C1QTNF3: variants seen among roughly 807,000 people sequenced by gnomAD.
C1QTNF3 encodes C1q and TNF related 3.
A neutral mutation model predicts 32.6 loss-of-function variants in C1QTNF3; 26 were observed. The ratio of observed to expected loss-of-function variants is 0.80; its 90% CI spans 0.58 to 1.11. The LOEUF (loss-of-function observed/expected upper bound fraction) is 1.11, where lower values mean the gene tolerates loss of function less well. Ranked by LOEUF, C1QTNF3 falls within the 50% of genes least tolerant of loss-of-function variation. The pLI, the probability that C1QTNF3 is intolerant of heterozygous loss-of-function variation, is 0.00. For missense variants in C1QTNF3, 362 were observed against 398.2 expected, an observed-to-expected ratio of 0.91 and a Z score of 0.77; for synonymous variants, 155 against 146.0, an observed-to-expected ratio of 1.06 and a Z score of -0.44.
chr5:34,162,939 A>T, the C1QTNF3 span, among the ~76,000 whole-genome samples: 5 of 152,266 alleles, frequency 3.3e-5, no homozygotes, highest in Admixed American at 6.6e-5. Context: ...CAGAGAAGAG[A>T]GAACAAGATA....
the C1QTNF3 span, among the ~76,000 whole-genome samples, chr5:34,157,432 A>C: frequency 6.6e-6 from 1 of 152,216 alleles, no homozygotes. Context: ...ACATTGTAGT[A>C]AGCTGAATGA....
At chr5:34,055,630 G>A in the C1QTNF3 span, among the ~76,000 whole-genome samples, 1 of 152,328 alleles carries the variant, frequency 6.6e-6, no homozygotes, top group Middle Eastern at 3.4e-3. Flanking sequence ...ACATTCCCTG[G>A]CTGTAGAAGG....
At chr5:34,063,307 T>TCCCCTCTCTCTCCTCTCTCTCTCG in the C1QTNF3 span, among the ~76,000 whole-genome samples, 1 of 151,222 alleles carries the variant, frequency 6.6e-6, no homozygotes, top group African/African-American at 2.4e-5. Flanking sequence ...CCTCTCTCTC[T>TCCCCTCTCTCTCCTCTCTCTCTCG]CACTTCTCTC....
At chr5:34,072,103 AT>A in the C1QTNF3 span, among the ~76,000 whole-genome samples, 3 of 152,072 alleles carry the variant, frequency 2.0e-5, no homozygotes, top group Admixed American at 1.3e-4. Flanking sequence ...CTCAGTTTCC[AT>A]TTTTAACAAG....
At chr5:34,140,366 C>CT in the C1QTNF3 span, among the ~76,000 whole-genome samples, 38 of 152,156 alleles carry the variant, frequency 2.5e-4, no homozygotes, top group Non-Finnish European at 5.1e-4. Context: ...CATGAGGACT[C>CT]TGAGTTCTTA....
At chr5:34,134,965 A>G in the C1QTNF3 span, among the ~76,000 whole-genome samples, 2 of 152,178 alleles carry the variant, frequency 1.3e-5, no homozygotes, top group African/African-American at 4.8e-5. Flanking sequence ...CATGTTAAAT[A>G]GGAGTGGTGA....
the C1QTNF3 span, among the ~76,000 whole-genome samples, chr5:34,193,884 A>T: frequency 6.6e-6 from 1 of 152,418 alleles, no homozygotes; most frequent in South Asian, 2.1e-4. Context: ...CAAGCAAAAA[A>T]ACAGCAGAGA....
chr5:34,056,454 G>GTA, the C1QTNF3 span, among the ~76,000 whole-genome samples: 83 of 48,906 alleles, frequency 1.7e-3, 1 homozygote, highest in Middle Eastern at 0.011. Flanking sequence ...GTGTGTGTGT[G>GTA]TATATATATA....
intron 5 of C1QTNF3, 63 bp downstream of exon 5, chr5:34,023,846 T>G: frequency 7.4e-7 from 1 of 1,346,880 alleles, no homozygotes; most frequent in South Asian, 1.2e-5. Context: ...TCCCTGTCAT[T>G]AGGCATTCCT....
chr5:34,081,575 G>A, the C1QTNF3 span, among the ~76,000 whole-genome samples: 959 of 150,784 alleles, frequency 6.4e-3, 39 homozygotes, highest in African/African-American at 0.021. Flanking sequence ...GTAGGTGATC[G>A]CCCCAAAATA....
At chr5:34,120,746 T>C in the C1QTNF3 span, among the ~76,000 whole-genome samples, 30 of 152,328 alleles carry the variant, frequency 2.0e-4, no homozygotes, top group Admixed American at 1.7e-3. Flanking sequence ...TCCACCATCA[T>C]TGTGAGGCCT....
At chr5:34,056,062 T>C in the C1QTNF3 span, among the ~76,000 whole-genome samples, 2 of 152,310 alleles carry the variant, frequency 1.3e-5, no homozygotes, top group East Asian at 3.9e-4. Context: ...AATTTAGAAA[T>C]GGCATCCATC....
At chr5:34,146,299 G>A in the C1QTNF3 span, among the ~76,000 whole-genome samples, 10 of 152,262 alleles carry the variant, frequency 6.6e-5, no homozygotes, top group Middle Eastern at 3.4e-3. Flanking sequence ...TAAAGATTCG[G>A]CACTATTCCT....
the C1QTNF3 span, among the ~76,000 whole-genome samples, chr5:34,053,019 C>G: frequency 7.9e-5 from 12 of 152,208 alleles, no homozygotes; most frequent in African/African-American, 2.9e-4. Flanking sequence ...TTCTTAGCTT[C>G]TTCGATTTTT....
chr5:34,089,300 C>G, the C1QTNF3 span, among the ~76,000 whole-genome samples: 1 of 151,942 alleles, frequency 6.6e-6, no homozygotes, highest in Non-Finnish European at 1.5e-5. Flanking sequence ...TTGTTATGAT[C>G]AAAATGTTTG....
At chr5:34,196,554 C>T in the C1QTNF3 span, among the ~76,000 whole-genome samples, 7 of 152,346 alleles carry the variant, frequency 4.6e-5, no homozygotes, top group East Asian at 3.9e-4. Context: ...CTTTATATGA[C>T]GAGGAAATGT....
the C1QTNF3 span, among the ~76,000 whole-genome samples, chr5:34,153,853 T>TAAAAAAAA: frequency 9.1e-5 from 3 of 32,876 alleles, no homozygotes; most frequent in Non-Finnish European, 1.4e-4. Flanking sequence ...ACTTAGAGTA[T>TAAAAAAAA]AAAAAAAAAA....
the C1QTNF3 span, among the ~76,000 whole-genome samples, chr5:34,202,157 C>T: frequency 6.6e-6 from 1 of 151,990 alleles, no homozygotes; most frequent in Non-Finnish European, 1.5e-5. Context: ...AGGGAAGCTG[C>T]ATTGCTTGTT....
intron 1 of C1QTNF3, among the ~76,000 whole-genome samples, chr5:34,036,764 C>T (rs1754751726): frequency 6.6e-6 from 1 of 152,104 alleles, no homozygotes; most frequent in Admixed American, 6.6e-5. Flanking sequence ...CCAGCCTGGC[C>T]AGCATGGTGA....
Sources: gnomAD v4.1 joint callset for allele counts (sites outside exome capture counted in the v4.1 genomes callset) on GRCh38, gnomAD v4.1.1 for gene constraint, MANE v1.5 for transcripts, NCBI Gene and HGNC (gene_info 2026-07-23, HGNC 2026-07-21) for gene names.